The following SDHC variants were observed in gnomAD, a reference collection of about 807,000 sequenced individuals.
SDHC encodes succinate dehydrogenase cytochrome b560 subunit, mitochondrial.
A neutral mutation model predicts 22.6 loss-of-function variants in SDHC; 11 were observed. That is an observed-to-expected ratio of 0.49 (90% CI 0.31 to 0.81). The LOEUF (loss-of-function observed/expected upper bound fraction) is 0.81. Ranked by LOEUF, SDHC falls within the 30% of genes least tolerant of loss-of-function variation. The pLI, the probability that SDHC is intolerant of heterozygous loss-of-function variation, is 0.05. For synonymous variants in SDHC, 80 were observed against 77.8 expected, an observed-to-expected ratio of 1.03 and a Z score of -0.15; for missense variants, 160 against 212.0, an observed-to-expected ratio of 0.75 and a Z score of 1.52.
At chr1:161,322,747 T>G (rs922454174) in intron 1 of SDHC, among the ~76,000 whole-genome samples, 3 of 150,530 alleles carry the variant, frequency 2.0e-5, no homozygotes, top group African/African-American at 7.4e-5. Flanking sequence ...TCATGTTTTT[T>G]GTAGAGATGG....
chr1:161,355,774 A>C (rs1175574559), intron 4 of SDHC, among the ~76,000 whole-genome samples: 1 of 152,186 alleles, frequency 6.6e-6, no homozygotes, highest in Non-Finnish European at 1.5e-5. Flanking sequence ...ACTTGAGGCC[A>C]GGAGTTTGAG....
intron 5 of SDHC, among the ~76,000 whole-genome samples, chr1:161,361,099 AC>A (rs1672492145): frequency 6.6e-6 from 1 of 152,046 alleles, no homozygotes; most frequent in African/African-American, 2.4e-5. Flanking sequence ...GCAGAAGTTC[AC>A]GCCCGTAATG....
chr1:161,325,439 G>A (rs543331060), intron 2 of SDHC, among the ~76,000 whole-genome samples: 7 of 152,124 alleles, frequency 4.6e-5, no homozygotes, highest in Admixed American at 1.3e-4. Context: ...TAGCACTTTC[G>A]GAGGCTGAGG....
At chr1:161,344,651 A>G (rs1247540273) in intron 4 of SDHC, among the ~76,000 whole-genome samples, 3 of 152,136 alleles carry the variant, frequency 2.0e-5, no homozygotes, top group Non-Finnish European at 4.4e-5. Context: ...CCCTCCATCA[A>G]AATCGTAAAG....
chr1:161,346,754 T>C (rs1671913762), intron 4 of SDHC, among the ~76,000 whole-genome samples: 1 of 151,712 alleles, frequency 6.6e-6, no homozygotes, highest in African/African-American at 2.4e-5. Context: ...ACAAATACAG[T>C]TGTCCCTTAT....
In SDHC at chr1:161,314,592, C is replaced by T. The variant is rs1043721010; in HGVS notation, c.20+167C>T. 25 of 771,378 alleles carry T rather than the reference C, an allele frequency of 3.2e-5. No homozygotes were observed. In the Middle Eastern group the frequency reaches 1.1e-3, roughly 33 times the overall value. The allele number at this position is 771,378 out of a possible 1,614,324, so 47.8% of individuals were successfully genotyped here. A position where few individuals can be genotyped will look rare whatever the true frequency, so the allele number is the denominator to read the frequency against. On this transcript the variant is annotated intron_variant, in intron 1 of 5. Transcript: ENST00000367975. ...CTAGAGACCCCTTTTCCCGTCCCCC[C>T]CAGCCGCTCCGGTGCGCTCCGTAGG...
chr1:161,358,445 C>G (rs944342772), intron 5 of SDHC, among the ~76,000 whole-genome samples: 1 of 151,988 alleles, frequency 6.6e-6, no homozygotes, highest in Non-Finnish European at 1.5e-5. Flanking sequence ...TCCATGTTGC[C>G]TCCTATGTGA....
chr1:161,324,924 G>C (rs1670993931), intron 2 of SDHC, among the ~76,000 whole-genome samples: 2 of 152,110 alleles, frequency 1.3e-5, no homozygotes, highest in Admixed American at 1.3e-4. Flanking sequence ...TAATCAGCTA[G>C]GCATGGTGGT....
chr1:161,347,343 C>T (rs1212832376), intron 4 of SDHC, among the ~76,000 whole-genome samples: 4 of 152,060 alleles, frequency 2.6e-5, no homozygotes, highest in African/African-American at 4.8e-5. Context: ...CAACCTCCGC[C>T]TGCCAGGTTA....
At chr1:161,347,014 A>G (rs1260264009) in intron 4 of SDHC, among the ~76,000 whole-genome samples, 1 of 152,100 alleles carries the variant, frequency 6.6e-6, no homozygotes, top group African/African-American at 2.4e-5. Flanking sequence ...CATTTCCCCC[A>G]CCCAATATTT....
intron 4 of SDHC, among the ~76,000 whole-genome samples, chr1:161,345,164 A>C (rs571762058): frequency 6.6e-6 from 1 of 152,266 alleles, no homozygotes; most frequent in African/African-American, 2.4e-5. Context: ...CTCCAGCCAC[A>C]CTGGTGTTTG....
chr1:161,358,152 TTAG>T (rs1279864794), intron 5 of SDHC, among the ~76,000 whole-genome samples: 1 of 151,286 alleles, frequency 6.6e-6, no homozygotes. Flanking sequence ...TTCTCCTGCC[TTAG>T]CCTCCCAAGT....
intron 3 of SDHC, among the ~76,000 whole-genome samples, chr1:161,331,312 G>T (rs1671263157): frequency 6.6e-6 from 1 of 151,810 alleles, no homozygotes; most frequent in South Asian, 2.1e-4. Flanking sequence ...CAGTCACCCA[G>T]GCTGGAGTGC....
At chr1:161,354,550 T>TA (rs1164621824) in intron 4 of SDHC, among the ~76,000 whole-genome samples, 1 of 152,052 alleles carries the variant, frequency 6.6e-6, no homozygotes, top group Non-Finnish European at 1.5e-5. Flanking sequence ...GTGATGTGGG[T>TA]ACTCTTTTTT....
At chr1:161,362,246 T>A (rs1571898571) in intron 5 of SDHC, 83 bp from the exon 6 acceptor site, 2 of 1,473,062 alleles carry the variant, frequency 1.4e-6, no homozygotes, top group Non-Finnish European at 1.9e-6. Flanking sequence ...TCTATTCCTT[T>A]AGGTAGAATT....
Position 161,362,581 on chromosome 1 carries a change from C to T in SDHC, c.*148C>T. On this transcript the variant is annotated 3_prime_UTR_variant, in exon 6 of 6. Coordinates refer to ENST00000367975, the MANE Select transcript of SDHC (RefSeq NM_003001.5). ...CAGATCTCCTTGGAGCAGTAGAGTA[C>T]CTGGTAGACCATAATAGTGGAAAAG... 1 of 1,608,898 alleles carries T rather than the reference C, an allele frequency of 6.2e-7. No homozygotes were observed. The highest frequency in any genetic ancestry group is 8.5e-7 in the Non-Finnish European group (1 of 1,177,960).
At chr1:161,316,084 C>T (rs1348808829) in intron 1 of SDHC, among the ~76,000 whole-genome samples, 1 of 152,194 alleles carries the variant, frequency 6.6e-6, no homozygotes, top group Non-Finnish European at 1.5e-5. Flanking sequence ...CGGTTTTCCC[C>T]TATCTCAGTA....
chr1:161,322,549 C>T (rs367665376), intron 1 of SDHC, among the ~76,000 whole-genome samples: 1 of 150,686 alleles, frequency 6.6e-6, no homozygotes, highest in Admixed American at 6.6e-5. Context: ...ACTCTTAAAC[C>T]TTTTTTTGTT....
chr1:161,318,579 T>C (rs1008202150), intron 1 of SDHC, among the ~76,000 whole-genome samples: 3 of 152,224 alleles, frequency 2.0e-5, no homozygotes, highest in African/African-American at 4.8e-5. Flanking sequence ...CCAGTACTCA[T>C]TGTATTAAAT....
Sources: gnomAD v4.1 joint callset for allele counts (sites outside exome capture counted in the v4.1 genomes callset) on GRCh38, gnomAD v4.1.1 for gene constraint, MANE v1.5 for transcripts, NCBI Gene and HGNC (gene_info 2026-07-23, HGNC 2026-07-21) for gene names.